The following PTGIS variants were observed in gnomAD, a reference collection of about 807,000 sequenced individuals.
The protein encoded by PTGIS is prostacyclin synthase.
Under a neutral mutation model 50.3 loss-of-function variants are expected in PTGIS, and 45 were observed. The ratio of observed to expected loss-of-function variants is 0.90; its 90% CI spans 0.70 to 1.15. The LOEUF is 1.15. Among genes scored for constraint, PTGIS ranks in the 50% most tolerant of loss-of-function variants. PTGIS has a pLI of 0.00. For missense variants in PTGIS, 668 were observed against 661.3 expected (o/e 1.01, Z -0.11); for synonymous variants, 260 against 267.7 (o/e 0.97, Z 0.28).
At chr20:49,548,498 G>GGATGGAAGGAAGGATGGATGGATGGATT (rs2122888154) in intron 2 of PTGIS, among the ~76,000 whole-genome samples, 1 of 152,192 alleles carries the variant, frequency 6.6e-6, no homozygotes, top group Admixed American at 6.5e-5. Flanking sequence ...ATGGATGGAT[G>GGATGGAAGGAAGGATGGATGGATGGATT]GATGGAAGGA....
intron 1 of PTGIS, among the ~76,000 whole-genome samples, chr20:49,551,800 ATGTGTT>A (rs1286564352): frequency 1.3e-4 from 17 of 127,830 alleles, no homozygotes; most frequent in Admixed American, 2.3e-4. Context: ...ATGCATGTGT[ATGTGTT>A]TGTGTGTGTG....
At chr20:49,551,576 C>T (rs917652156) in intron 1 of PTGIS, among the ~76,000 whole-genome samples, 1 of 152,186 alleles carries the variant, frequency 6.6e-6, no homozygotes, top group Non-Finnish European at 1.5e-5. Context: ...TTGATATCTC[C>T]TGTCTCCCTA....
intron 9 of PTGIS, among the ~76,000 whole-genome samples, chr20:49,508,375 G>A (rs1981214972): frequency 6.6e-6 from 1 of 152,252 alleles, no homozygotes; most frequent in South Asian, 2.1e-4. Context: ...TGGCAGCCAT[G>A]CAGGCTTCAC....
chr20:49,536,566 C>T (rs1982081556), intron 5 of PTGIS, among the ~76,000 whole-genome samples: 1 of 150,250 alleles, frequency 6.7e-6, no homozygotes, highest in African/African-American at 2.5e-5. Flanking sequence ...GTGCAACCTC[C>T]ACCCGCAGGG....
chr20:49,556,846 GAATGTTTTC>G (rs780150439), intron 1 of PTGIS, among the ~76,000 whole-genome samples: 1 of 151,872 alleles, frequency 6.6e-6, no homozygotes, highest in Non-Finnish European at 1.5e-5. Context: ...GTCTCCAAAA[GAATGTTTTC>G]AATGTTTTCC....
rs746315229 is a variant in PTGIS at position 49,547,890 on chromosome 20, C to T, written c.328G>A (p.Val110Met). ...CTGGGGCTGTAATGTGGAAGCTGCA[C>T]ATCAAAAATCCTCTCCATGAGGAAG... ...AIFLMERIFDVQLPHYSPSDE... is the reference protein window; with the variant it reads ...AIFLMERIFDMQLPHYSPSDE... Residue 110 changes from valine to methionine, a missense_variant, in exon 3 of 10, where the codon GTG becomes ATG. Val to Met is a conservative substitution (Grantham distance 21). Transcript: ENST00000244043. 1.8e-5 allele frequency: 29 copies of T among 1,614,120 alleles called. 1 individual carries two copies. Among genetic ancestry groups the T allele is most frequent in the Non-Finnish European group, 2.4e-5 (28 of 1,180,022 alleles).
chr20:49,516,706 A>G (rs568478934), intron 6 of PTGIS, among the ~76,000 whole-genome samples: 2 of 152,062 alleles, frequency 1.3e-5, no homozygotes, highest in Admixed American at 6.5e-5. Flanking sequence ...GAGGAACCAC[A>G]CTCCTCTGCT....
chr20:49,537,173 C>T (rs1019823210), intron 5 of PTGIS, among the ~76,000 whole-genome samples: 6 of 152,154 alleles, frequency 3.9e-5, no homozygotes, highest in African/African-American at 1.2e-4. Context: ...TTCCTATGGA[C>T]CTGGATGGGG....
Position 49,561,557 on chromosome 20 carries a change from A to G in PTGIS, c.74+6486T>C, listed in dbSNP as rs533697283. On this transcript the variant is annotated intron_variant, in intron 1 of 9. Transcript: ENST00000244043. ...GTTCATGGCAGCCCCCTTCCAGCCC[A>G]GGTCAGAGCCTGGCAGACTGGACCC... Among the ~76,000 whole-genome samples the G allele has an allele frequency of 3.9e-5, 6 of 152,332 alleles. No individual in the cohort carries two copies. In the South Asian group the frequency reaches 1.2e-3, roughly 32 times the overall value.
intron 6 of PTGIS, among the ~76,000 whole-genome samples, chr20:49,516,285 T>G (rs998232414): frequency 6.6e-6 from 1 of 152,090 alleles, no homozygotes; most frequent in Non-Finnish European, 1.5e-5. Context: ...AATTTTTTAA[T>G]GGACACACTA....
At chr20:49,518,517 G>A (rs1981556015) in intron 6 of PTGIS, among the ~76,000 whole-genome samples, 1 of 152,206 alleles carries the variant, frequency 6.6e-6, no homozygotes. Context: ...ATGTCCCAAT[G>A]TGAATTTCTT....
chr20:49,566,905 GC>G (rs1982913234), intron 1 of PTGIS, among the ~76,000 whole-genome samples: 1 of 152,210 alleles, frequency 6.6e-6, no homozygotes, highest in Admixed American at 6.6e-5. Flanking sequence ...GTTTTTAGTG[GC>G]GACAAATGTC....
intron 1 of PTGIS, among the ~76,000 whole-genome samples, chr20:49,560,300 C>T (rs73124190): frequency 0.055 from 8,366 of 151,836 alleles, 285 homozygotes; most frequent in East Asian, 0.1. Flanking sequence ...TTTGGACTCA[C>T]GCAATCCTCC....
At chr20:49,508,450 C>G (rs1329994382) in intron 9 of PTGIS, among the ~76,000 whole-genome samples, 1 of 152,178 alleles carries the variant, frequency 6.6e-6, no homozygotes, top group East Asian at 1.9e-4. Context: ...AGTGGGGAAG[C>G]CCTCCAATCC....
chr20:49,546,210 C>T (rs969942337), intron 3 of PTGIS, among the ~76,000 whole-genome samples: 30 of 152,200 alleles, frequency 2.0e-4, no homozygotes, highest in African/African-American at 3.1e-4. Flanking sequence ...GAAGACATCA[C>T]GCCAGCTTGT....
At chr20:49,526,292 A>G (rs974623153) in intron 5 of PTGIS, among the ~76,000 whole-genome samples, 1 of 152,196 alleles carries the variant, frequency 6.6e-6, no homozygotes, top group Admixed American at 6.5e-5. Flanking sequence ...TGGGATGGCT[A>G]AAAAAAGAGG....
rs140978652 is a variant in PTGIS at position 49,533,626 on chromosome 20, G to C, written c.673+5944C>G. On this transcript the variant is annotated intron_variant, in intron 5 of 9. Coordinates refer to ENST00000244043, the MANE Select transcript of PTGIS (RefSeq NM_000961.4). Reference sequence around the variant, plus strand: ...AATGATTTTCTCTCCACCCCTTCTCGGCCTTCCCAAAGGCAAAAATCTATA... The same window carrying C: ...AATGATTTTCTCTCCACCCCTTCTCCGCCTTCCCAAAGGCAAAAATCTATA... Among the ~76,000 whole-genome samples, 10 of 152,062 alleles carry C rather than the reference G, an allele frequency of 6.6e-5. No homozygotes were observed. In the South Asian group the frequency reaches 2.1e-3, roughly 32 times the overall value.
chr20:49,529,924 G>A (rs946551741), intron 5 of PTGIS, among the ~76,000 whole-genome samples: 2 of 152,092 alleles, frequency 1.3e-5, no homozygotes, highest in African/African-American at 2.4e-5. Flanking sequence ...GAAGGCCGAC[G>A]TGGGCGGATC....
intron 6 of PTGIS, among the ~76,000 whole-genome samples, chr20:49,521,039 G>A (rs1981640490): frequency 1.3e-5 from 2 of 152,124 alleles, no homozygotes; most frequent in African/African-American, 4.8e-5. Context: ...TTTGCTCACC[G>A]CTCTATCCCC....
Sources: gnomAD v4.1 joint callset for allele counts (sites outside exome capture counted in the v4.1 genomes callset) on GRCh38, gnomAD v4.1.1 for gene constraint, MANE v1.5 for transcripts, NCBI Gene and HGNC (gene_info 2026-07-23, HGNC 2026-07-21) for gene names.